The following ZNF619 variants were observed in gnomAD, a reference collection of about 807,000 sequenced individuals.
The protein encoded by ZNF619 is zinc finger protein 619.
ZNF619 carries 9 observed loss-of-function variants against 14.2 expected under a neutral mutation model. That is an observed-to-expected ratio of 0.64 (90% CI 0.38 to 1.11). The LOEUF is 1.11. ZNF619 is among the 50% of genes least tolerant of loss of function. The pLI, the probability that ZNF619 is intolerant of heterozygous loss-of-function variation, is 0.01. For missense variants in ZNF619, 659 were observed against 680.1 expected, an observed-to-expected ratio of 0.97 and a Z score of 0.34; for synonymous variants, 246 against 252.8, an observed-to-expected ratio of 0.97 and a Z score of 0.26.
chr3:40,483,389 C>A (rs1376954857), intron 4 of ZNF619, among the ~76,000 whole-genome samples: 3 of 149,958 alleles, frequency 2.0e-5, no homozygotes, highest in African/African-American at 7.4e-5. Context: ...CTCCTGGGTT[C>A]AAGTGTTTCT....
At position 40,489,632 on chromosome 3, in the gene ZNF619, G is replaced by A. The variant is rs66841330; in HGVS notation, c.*1391G>A. ...AGTGACTTGGACTTGTACCCTTTAG[G>A]GTAGATGCCTGAGTATAGTAATCTC... On this transcript the variant is annotated 3_prime_UTR_variant, in exon 5 of 5. Transcript: ENST00000432264. 0.26 allele frequency: 39,391 copies of A among 151,656 alleles called. 6,053 individuals carry two copies. Among genetic ancestry groups the A allele is most frequent in the East Asian group, 0.5 (2,534 of 5,050 alleles). The allele number at this position is 151,656 out of a possible 1,614,324, so 9.4% of individuals were successfully genotyped here. A position where few individuals can be genotyped will look rare whatever the true frequency, so the allele number is the denominator to read the frequency against.
At chr3:40,478,819 T>G (rs973769703) in intron 2 of ZNF619, among the ~76,000 whole-genome samples, 1 of 151,462 alleles carries the variant, frequency 6.6e-6, no homozygotes, top group African/African-American at 2.5e-5. Context: ...AAACAATGTG[T>G]GTGTCCTTTT....
At chr3:40,477,856 A>T (rs1240428224) in intron 1 of ZNF619, 62 bp from the exon 2 acceptor site, 1 of 851,878 alleles carries the variant, frequency 1.2e-6, no homozygotes, top group Non-Finnish European at 1.9e-6. Flanking sequence ...CAGGAGACAG[A>T]GGGGAAGAGG....
Position 40,488,638 on chromosome 3 carries a change from T to C in ZNF619, c.*397T>C, listed in dbSNP as rs1697718975. The C allele has an allele frequency of 6.1e-6, 1 of 164,626 alleles. No individual in the cohort carries two copies. The highest frequency in any genetic ancestry group is 1.8e-4 in the East Asian group (1 of 5,592). The allele number at this position is 164,626 out of a possible 1,614,324, so 10.2% of individuals were successfully genotyped here. ...CATAATCAGATAAAGTGTCCAATGA[T>C]TGCTTTCAAGAGCTTTTTTTTTTTT... On this transcript the variant is annotated 3_prime_UTR_variant, in exon 5 of 5. Transcript: ENST00000432264.
intron 3 of ZNF619, chr3:40,482,296 C>T: frequency 6.4e-7 from 1 of 1,552,134 alleles, no homozygotes. Flanking sequence ...GCACTGTCTT[C>T]ATTCCTTCCA....
rs1697666817 is a variant in ZNF619 at position 40,487,817 on chromosome 3, C to A, written c.1307C>A (p.Thr436Lys). The change falls in exon 5 of 5, where the codon ACA (threonine) becomes AAA (lysine). Residue 436 changes from threonine to lysine, a missense_variant. Thr to Lys is a moderately conservative substitution (Grantham distance 78). Coordinates refer to ENST00000432264, the MANE Select transcript of ZNF619 (RefSeq NM_001145093.4). ...KPYECQECGK[T>K]FSQKITLVQH... The stretch of plus-strand genomic sequence containing the variant: ...TATGAATGCCAGGAATGTGGGAAGA[C>A]ATTCAGTCAAAAGATCACTCTGGTT... 8.1e-6 allele frequency: 13 copies of A among 1,614,068 alleles called. No individual in the cohort carries two copies. The highest frequency in any genetic ancestry group is 1.1e-5 in the Non-Finnish European group (13 of 1,180,016).
intron 2 of ZNF619, among the ~76,000 whole-genome samples, chr3:40,479,412 A>G (rs181446414): frequency 2.0e-3 from 303 of 152,292 alleles, no homozygotes; most frequent in African/African-American, 7.0e-3. Flanking sequence ...GTCATTTAGA[A>G]TCTTCTAGGA....
rs762494512 is a variant in ZNF619 at position 40,487,889 on chromosome 3, A to C, written c.1379A>C (p.Glu460Ala). ...GGGGAGAAACCTTATGAGTGTAAGG[A>C]GTGCGGGAAAGCCTTCAGATGGAAT... ...HTGEKPYECK[E>A]CGKAFRWNAS... Residue 460 changes from glutamate to alanine, a missense_variant, in exon 5 of 5, where the codon GAG (glutamate) becomes GCG (alanine). Glu to Ala is a moderately radical substitution (Grantham distance 107). Transcript: ENST00000432264. 9 of 1,614,222 alleles carry C rather than the reference A, an allele frequency of 5.6e-6. No homozygotes were observed. In the East Asian group the frequency reaches 2.0e-4, roughly 36 times the overall value.
rs955057316 is a variant in ZNF619, at chr3:40,490,114, T to A, written c.*1873T>A. 6.6e-6 allele frequency: 1 copy of A among 152,210 alleles called. No homozygotes were observed. The highest frequency in any genetic ancestry group is 2.4e-5 in the African/African-American group (1 of 41,446). 9.4% of individuals were successfully genotyped at this position (152,210 alleles called of 1,614,324 possible). A position where few individuals can be genotyped will look rare whatever the true frequency, so the allele number is the denominator to read the frequency against. On this transcript the variant is annotated 3_prime_UTR_variant, in exon 5 of 5. Coordinates refer to ENST00000432264, the MANE Select transcript of ZNF619 (RefSeq NM_001145093.4). ...GGACACATGCTTGCTCTGTCTTGCC[T>A]TTTGATGCCTCCTGCCATGTCATGA...
rs148617450 is a variant in ZNF619, at chr3:40,482,647, T to C, written c.238T>C (p.Trp80Arg). 3.1e-6 allele frequency: 5 copies of C among 1,614,034 alleles called. No individual in the cohort carries two copies. The African/African-American group carries it at 4.0e-5, about 13-fold the overall frequency. ...IFQLEQGEAA[W>R]GPDPWTLAGG... is the part of the protein sequence containing the mutation. ...CCAGCTGGAGCAAGGAGAAGCAGCATGGGGCCCAGATCCCTGGACACTTGC... is the reference window on the plus strand; with the variant it reads ...CCAGCTGGAGCAAGGAGAAGCAGCACGGGGCCCAGATCCCTGGACACTTGC... The change falls in exon 4 of 5, where the codon TGG (tryptophan) becomes CGG (arginine). Residue 80 changes from tryptophan (W) to arginine (R), a missense_variant. Coordinates refer to ENST00000432264, the MANE Select transcript of ZNF619 (RefSeq NM_001145093.4).
chr3:40,478,032 T>A, intron 2 of ZNF619, 29 bp downstream of exon 2: 1 of 1,551,540 alleles, frequency 6.4e-7, no homozygotes, highest in Non-Finnish European at 8.7e-7. Context: ...CAGCTTTCCA[T>A]ACTCAGAACA....
intron 3 of ZNF619, 22 bp from the exon 4 acceptor site, chr3:40,482,566 G>A: frequency 6.2e-7 from 1 of 1,611,570 alleles, no homozygotes; most frequent in Non-Finnish European, 8.5e-7. Context: ...TCAGCTTCAT[G>A]TTCCTTTTCT....
intron 4 of ZNF619, among the ~76,000 whole-genome samples, chr3:40,483,039 G>A (rs1697458607): frequency 6.6e-6 from 1 of 151,654 alleles, no homozygotes; most frequent in Non-Finnish European, 1.5e-5. Flanking sequence ...GCAAGACCCT[G>A]TCACTACAAT....
rs569248747 is a variant in ZNF619 at position 40,478,309 on chromosome 3, C to T, written c.24+306C>T. ...CTCTTGTTAGGCAAAATGTCAGGCC[C>T]CCTCCCCAGATCTCCTAAATCAGAA... On this transcript the variant is annotated intron_variant, in intron 2 of 4. Coordinates refer to ENST00000432264, the MANE Select transcript of ZNF619 (RefSeq NM_001145093.4). 1.2e-3 allele frequency among the ~76,000 whole-genome samples: 186 copies of T among 152,084 alleles called. 1 individual carries two copies. The Middle Eastern group carries it at 0.027, about 22-fold the overall frequency.
intron 4 of ZNF619, 65 bp from the exon 5 acceptor site, chr3:40,486,741 C>A: frequency 7.7e-7 from 1 of 1,302,772 alleles, no homozygotes; most frequent in Non-Finnish European, 1.1e-6. Flanking sequence ...CAAGCTGTTA[C>A]TGATTAACCC....
intron 2 of ZNF619, 90 bp downstream of exon 2, chr3:40,478,093 C>G: frequency 8.1e-7 from 1 of 1,232,382 alleles, no homozygotes; most frequent in Non-Finnish European, 1.2e-6. Context: ...CAGTCTCATG[C>G]TTAGTTTTAC....
chr3:40,488,041 T>C lies in ZNF619; in HGVS notation c.1531T>C (p.Ser511Pro). The C allele has an allele frequency of 6.2e-7, 1 of 1,614,156 alleles. No homozygotes were observed. The highest frequency in any genetic ancestry group is 8.5e-7 in the Non-Finnish European group (1 of 1,180,002). ...LSPLPPQHTC[S>P]ALAPPGPPLS... Reference sequence around the variant, plus strand: ...TCCTCTGCCTCCCCAACATACCTGCTCTGCCCTAGCCCCACCAGGGCCTCC... The same window carrying C: ...TCCTCTGCCTCCCCAACATACCTGCCCTGCCCTAGCCCCACCAGGGCCTCC... Residue 511 changes from serine to proline, a missense_variant, in exon 5 of 5, where the codon TCT becomes CCT. Coordinates refer to ENST00000432264, the MANE Select transcript of ZNF619 (RefSeq NM_001145093.4).
rs1265259479 is a variant in ZNF619 at position 40,489,798 on chromosome 3, G to C, written c.*1557G>C. ...AGTTACTATGCAGGCCCTTGGATAT[G>C]TCCTCACACCTACTCCAGATTTCCC... On this transcript the variant is annotated 3_prime_UTR_variant, in exon 5 of 5. Transcript: ENST00000432264. 1 of 152,144 alleles carries C rather than the reference G, an allele frequency of 6.6e-6. No homozygotes were observed. The highest frequency in any genetic ancestry group is 1.5e-5 in the Non-Finnish European group (1 of 68,036). The allele number at this position is 152,144 out of a possible 1,614,324, so 9.4% of individuals were successfully genotyped here.
Position 40,488,121 on chromosome 3 carries a change from G to C in ZNF619, c.1611G>C (p.Leu537=), listed in dbSNP as rs145391956. ...VLPPSVPFFL[L]LPSSEKANPS... ...CTCCCTCTGTGCCTTTCTTCCTGCT[G>C]CTTCCCTCATCTGAAAAGGCCAACC... The change falls in exon 5 of 5, where the codon CTG becomes CTC. Residue 537 remains leucine (L), a synonymous_variant. Transcript: ENST00000432264. 2.5e-6 allele frequency: 4 copies of C among 1,614,122 alleles called. No individual in the cohort carries two copies. The highest frequency in any genetic ancestry group is 3.4e-6 in the Non-Finnish European group (4 of 1,180,006).
Sources: allele counts gnomAD v4.1 joint callset (sites outside exome capture counted in the v4.1 genomes callset), GRCh38; gene constraint gnomAD v4.1.1; transcripts MANE v1.5; gene names NCBI Gene and HGNC (gene_info 2026-07-23, HGNC 2026-07-21).